Variants in PCDHGA1 observed in about 807,000 individuals in gnomAD.
PCDHGA1 encodes the protein protocadherin gamma-A1.
Under a neutral mutation model 58.0 loss-of-function variants are expected in PCDHGA1, and 32 were observed. That is an observed-to-expected ratio of 0.55 (90% confidence interval 0.42 to 0.74). The LOEUF (loss-of-function observed/expected upper bound fraction) is 0.74, where lower values mean the gene tolerates loss of function less well. Ranked by LOEUF, PCDHGA1 falls within the 30% of genes least tolerant of loss-of-function variation. The pLI is 0.00. For synonymous variants in PCDHGA1, 498 were observed against 501.1 expected (o/e 0.99, Z 0.08); for missense variants, 1,205 against 1,182.3 (o/e 1.02, Z -0.28).
At chr5:141,475,448 G>C (rs774710049) in intron 1 of PCDHGA1, among the ~76,000 whole-genome samples, 1 of 152,214 alleles carries the variant, frequency 6.6e-6, no homozygotes, top group African/African-American at 2.4e-5. Context: ...CAGATAATGA[G>C]GAAGTGACAG....
At chr5:141,341,197 C>G in intron 1 of PCDHGA1, 2 of 1,614,190 alleles carry the variant, frequency 1.2e-6, no homozygotes, top group Non-Finnish European at 1.7e-6. Context: ...ACTTTGTGGG[C>G]GTGGACGGGG....
At chr5:141,458,308 A>G (rs1363472724) in intron 1 of PCDHGA1, among the ~76,000 whole-genome samples, 1 of 152,196 alleles carries the variant, frequency 6.6e-6, no homozygotes, top group Non-Finnish European at 1.5e-5. Context: ...AGATAAAATG[A>G]CACAGACACA....
chr5:141,397,353 AG>A (rs556761818), intron 1 of PCDHGA1, among the ~76,000 whole-genome samples: 31 of 152,340 alleles, frequency 2.0e-4, no homozygotes, highest in Non-Finnish European at 2.9e-4. Flanking sequence ...TAATATAGTC[AG>A]GAAGAGGAGA....
chr5:141,338,997 A>G lies in PCDHGA1; in HGVS notation c.2421+5892A>G, dbSNP rs757049710. The G allele has an allele frequency of 5.7e-5, 88 of 1,548,914 alleles. 3 individuals carry two copies. In the Admixed American group the frequency reaches 1.8e-3, roughly 31 times the overall value. On this transcript the variant is annotated intron_variant, in intron 1 of 3. Coordinates refer to ENST00000517417, the MANE Select transcript of PCDHGA1 (RefSeq NM_018912.3). ...ATGGCGGCTCTGCAAAAGTTGCCAC[A>G]CTGCAGAAAGCTGGTCCTGCTGTGC...
At chr5:141,500,045 T>C (rs2099796072) in intron 2 of PCDHGA1, among the ~76,000 whole-genome samples, 1 of 152,062 alleles carries the variant, frequency 6.6e-6, no homozygotes, top group South Asian at 2.1e-4. Flanking sequence ...CTTAAGTATC[T>C]TAATGCTCTT....
intron 2 of PCDHGA1, among the ~76,000 whole-genome samples, chr5:141,502,944 A>G (rs1447378539): frequency 1.4e-5 from 2 of 145,406 alleles, no homozygotes; most frequent in Non-Finnish European, 1.5e-5. Context: ...CCTGGGTTCA[A>G]GCGATTCTCC....
intron 1 of PCDHGA1, among the ~76,000 whole-genome samples, chr5:141,358,782 T>C (rs1761019410): frequency 6.6e-6 from 1 of 152,248 alleles, no homozygotes; most frequent in Non-Finnish European, 1.5e-5. Flanking sequence ...AAGGTTGAGT[T>C]ACTTGGGTTC....
chr5:141,362,633 T>G (rs1561527667), intron 1 of PCDHGA1: 1 of 1,490,046 alleles, frequency 6.7e-7, no homozygotes, highest in Non-Finnish European at 9.0e-7. Flanking sequence ...CACTGCGTAT[T>G]TCTTTGTCTG....
At chr5:141,364,840 C>G in intron 1 of PCDHGA1, 2 of 1,614,010 alleles carry the variant, frequency 1.2e-6, no homozygotes, top group Non-Finnish European at 1.7e-6. Context: ...TCCGGAGTTA[C>G]CAGCTCAGCT....
intron 1 of PCDHGA1, 41 bp from the exon 2 acceptor site, chr5:141,494,766 C>T (rs1017994327): frequency 6.2e-7 from 1 of 1,614,038 alleles, no homozygotes; most frequent in Non-Finnish European, 8.5e-7. Flanking sequence ...ATTCTAACTT[C>T]TCACGGGTAC....
intron 1 of PCDHGA1, chr5:141,421,700 C>G: frequency 6.2e-7 from 1 of 1,613,900 alleles, no homozygotes; most frequent in Non-Finnish European, 8.5e-7. Context: ...CTTCCTAATG[C>G]TAGGGATCCA....
At chr5:141,338,141 C>T (rs2149719662) in intron 1 of PCDHGA1, among the ~76,000 whole-genome samples, 1 of 152,282 alleles carries the variant, frequency 6.6e-6, no homozygotes, top group East Asian at 1.9e-4. Context: ...TGTTTCCTAC[C>T]TCATATCACA....
intron 1 of PCDHGA1, among the ~76,000 whole-genome samples, chr5:141,481,692 G>T (rs1231630072): frequency 6.6e-6 from 1 of 152,020 alleles, no homozygotes; most frequent in African/African-American, 2.4e-5. Context: ...GGTGGCTCAC[G>T]CCTGTAATCC....
intron 1 of PCDHGA1, chr5:141,423,051 C>T (rs200022455): frequency 1.7e-5 from 28 of 1,614,084 alleles, no homozygotes; most frequent in Non-Finnish European, 2.3e-5. Context: ...TGTCCTATCG[C>T]CTGCTTAAGG....
intron 1 of PCDHGA1, chr5:141,351,341 G>C: frequency 8.7e-6 from 14 of 1,613,508 alleles, no homozygotes; most frequent in Non-Finnish European, 1.1e-5. Flanking sequence ...CCTTGGAACT[G>C]TAATAGCCCT....
chr5:141,388,769 C>T (rs1216196772), intron 1 of PCDHGA1: 23 of 1,613,914 alleles, frequency 1.4e-5, no homozygotes, highest in Non-Finnish European at 1.9e-5. Flanking sequence ...TGAACTCTAA[C>T]ACCGGGGAAA....
chr5:141,478,672 A>G (rs1216792401), intron 1 of PCDHGA1: 22 of 1,551,540 alleles, frequency 1.4e-5, no homozygotes, highest in Admixed American at 2.0e-5. Flanking sequence ...CACACTTTCA[A>G]CTGGCCCTTC....
At chr5:141,357,424 G>A in intron 1 of PCDHGA1, 2 of 1,614,210 alleles carry the variant, frequency 1.2e-6, no homozygotes, top group Non-Finnish European at 1.7e-6. Flanking sequence ...GCACTTTGTG[G>A]GCGTGGACGG....
intron 1 of PCDHGA1, among the ~76,000 whole-genome samples, chr5:141,434,888 C>T (rs1287540129): frequency 6.6e-6 from 1 of 150,944 alleles, no homozygotes; most frequent in Non-Finnish European, 1.5e-5. Flanking sequence ...AACAACAATC[C>T]AGTCCCCTTC....
Sources: gnomAD v4.1 joint callset for allele counts (sites outside exome capture counted in the v4.1 genomes callset) on GRCh38, gnomAD v4.1.1 for gene constraint, MANE v1.5 for transcripts, NCBI Gene and HGNC (gene_info 2026-07-23, HGNC 2026-07-21) for gene names.